The following UNC13C variants were observed in gnomAD, a reference collection of about 807,000 sequenced individuals.
UNC13C encodes unc-13 homolog C.
A neutral mutation model predicts 245.4 loss-of-function variants in UNC13C; 174 were observed. The ratio of observed to expected loss-of-function variants is 0.71; its 90% CI spans 0.63 to 0.80. The LOEUF is 0.80. UNC13C is among the 30% of genes least tolerant of loss of function. The pLI is 0.00. For synonymous variants in UNC13C, 992 were observed against 895.1 expected (o/e 1.11, Z -1.93); for missense variants, 2,829 against 2,602.9 (o/e 1.09, Z -1.89).
intron 29 of UNC13C, among the ~76,000 whole-genome samples, chr15:54,564,150 G>T (rs1897406768): frequency 6.6e-6 from 1 of 151,972 alleles, no homozygotes; most frequent in Admixed American, 6.6e-5. Flanking sequence ...CTGGCAATTT[G>T]TTTTCTCTTC....
chr15:53,984,523 A>C (rs1382992213), intron 1 of UNC13C, among the ~76,000 whole-genome samples: 1 of 152,172 alleles, frequency 6.6e-6, no homozygotes, highest in Non-Finnish European at 1.5e-5. Context: ...AAATTTCTGC[A>C]TCTGAATTCT....
chr15:54,545,172 A>G lies in UNC13C; in HGVS notation c.5697-1550A>G, dbSNP rs765784777. On this transcript the variant is annotated intron_variant, in intron 26 of 32. Coordinates refer to ENST00000260323, the MANE Select transcript of UNC13C (RefSeq NM_001080534.3). ...ATCCACAACCACCTGATATTGAACA[A>G]ACCTGACAAAAACAAGCAATGGGGA... is the stretch of plus-strand genomic sequence containing the variant. Among the ~76,000 whole-genome samples the G allele has an allele frequency of 1.3e-4, 20 of 152,326 alleles. 1 individual carries two copies. The highest frequency in any genetic ancestry group is 2.1e-4 in the Non-Finnish European group (14 of 68,030).
the UNC13C span, among the ~76,000 whole-genome samples, chr15:53,927,817 G>T: frequency 6.6e-6 from 1 of 152,304 alleles, no homozygotes; most frequent in South Asian, 2.1e-4. Flanking sequence ...GGCATAAACT[G>T]AGAAGAGCAG....
chr15:54,334,493 A>G (rs2038522204), intron 16 of UNC13C, among the ~76,000 whole-genome samples: 1 of 152,118 alleles, frequency 6.6e-6, no homozygotes, highest in Non-Finnish European at 1.5e-5. Flanking sequence ...TTTGAAAGAC[A>G]GTATTACGAT....
chr15:54,555,698 C>T (rs1403832626), intron 29 of UNC13C, among the ~76,000 whole-genome samples, 186 bp downstream of exon 29: 1 of 151,970 alleles, frequency 6.6e-6, no homozygotes, highest in Non-Finnish European at 1.5e-5. Context: ...TTGCACCAAC[C>T]TAATACATTC....
intron 2 of UNC13C, among the ~76,000 whole-genome samples, chr15:54,092,894 G>C (rs1899647986): frequency 6.6e-6 from 1 of 152,082 alleles, no homozygotes; most frequent in Non-Finnish European, 1.5e-5. Flanking sequence ...GACATAGATA[G>C]GGGAAATTTT....
intron 19 of UNC13C, among the ~76,000 whole-genome samples, chr15:54,429,825 C>T (rs117157416): frequency 2.6e-3 from 395 of 151,708 alleles, no homozygotes; most frequent in Non-Finnish European, 5.0e-3. Context: ...ATGTCAATCA[C>T]TCTGGGAGTA....
intron 19 of UNC13C, among the ~76,000 whole-genome samples, chr15:54,447,248 T>C (rs1890868263): frequency 1.3e-5 from 2 of 150,626 alleles, no homozygotes; most frequent in Admixed American, 6.6e-5. Flanking sequence ...TGGTCTAAAA[T>C]TCTCTCTGCC....
chr15:54,592,742 G>A lies in UNC13C; in HGVS notation c.6106+24795G>A, dbSNP rs147830265. Among the ~76,000 whole-genome samples, 343 of 152,016 alleles carry A rather than the reference G, an allele frequency of 2.3e-3. 4 individuals carry two copies. The highest frequency in any genetic ancestry group is 7.3e-3 in the African/African-American group (301 of 41,480). On this transcript the variant is annotated intron_variant, in intron 30 of 32. Coordinates refer to ENST00000260323, the MANE Select transcript of UNC13C (RefSeq NM_001080534.3). ...ATAGTTGGTTTGTGAGTTCTTATCCGTTCTGTGGTTCTGTATCTTTTAAAC... is the reference window on the plus strand; with the variant it reads ...ATAGTTGGTTTGTGAGTTCTTATCCATTCTGTGGTTCTGTATCTTTTAAAC...
At chr15:54,314,789 A>G (rs769840119) in intron 13 of UNC13C, among the ~76,000 whole-genome samples, 4 of 151,714 alleles carry the variant, frequency 2.6e-5, no homozygotes, top group Non-Finnish European at 5.9e-5. Context: ...ATTTTCAGAG[A>G]TCATTCTAAA....
intron 30 of UNC13C, among the ~76,000 whole-genome samples, chr15:54,608,134 C>CA (rs1899874576): frequency 6.0e-5 from 9 of 150,684 alleles, no homozygotes; most frequent in Admixed American, 1.3e-4. Flanking sequence ...AGGTCTTTTT[C>CA]CAAAAAAAAA....
chr15:54,409,563 T>C (rs2040376185), intron 18 of UNC13C, among the ~76,000 whole-genome samples: 7 of 152,164 alleles, frequency 4.6e-5, no homozygotes, highest in Admixed American at 4.6e-4. Context: ...CCAATGTCTT[T>C]TGTTCCTTTC....
chr15:54,316,346 T>G (rs927556184), intron 13 of UNC13C, among the ~76,000 whole-genome samples: 1 of 151,868 alleles, frequency 6.6e-6, no homozygotes, highest in African/African-American at 2.4e-5. Flanking sequence ...TGCCTTGATT[T>G]GTACTTTTCC....
In UNC13C at chr15:54,012,892, T is replaced by C; in HGVS notation, c.-12T>C. 1 of 1,568,558 alleles carries C rather than the reference T, an allele frequency of 6.4e-7. No homozygotes were observed. Among genetic ancestry groups the C allele is most frequent in the Non-Finnish European group, 8.6e-7 (1 of 1,160,852 alleles). On this transcript the variant is annotated 5_prime_UTR_variant, in exon 2 of 33. Coordinates refer to ENST00000260323, the MANE Select transcript of UNC13C (RefSeq NM_001080534.3). Reference sequence around the variant, plus strand: ...TTTTCTGGGGCAGAAAAGCTTGCACTAATTGCTCTCCATGGTGGCTAATTT... The same window carrying C: ...TTTTCTGGGGCAGAAAAGCTTGCACCAATTGCTCTCCATGGTGGCTAATTT...
intron 4 of UNC13C, among the ~76,000 whole-genome samples, chr15:54,170,334 C>A (rs1231710362): frequency 6.6e-6 from 1 of 151,756 alleles, no homozygotes; most frequent in Non-Finnish European, 1.5e-5. Context: ...ATGAAAAAAA[C>A]AGAATCATTT....
At chr15:54,069,093 T>C (rs1346357934) in intron 2 of UNC13C, among the ~76,000 whole-genome samples, 1 of 152,166 alleles carries the variant, frequency 6.6e-6, no homozygotes, top group Non-Finnish European at 1.5e-5. Flanking sequence ...CTGAATATCT[T>C]CAGAGAGCAG....
At chr15:54,108,248 G>A (rs537470500) in intron 2 of UNC13C, among the ~76,000 whole-genome samples, 1 of 151,990 alleles carries the variant, frequency 6.6e-6, no homozygotes, top group Non-Finnish European at 1.5e-5. Context: ...GTGCAGTGGC[G>A]CGATCTTGGC....
chr15:54,462,059 G>A (rs1891874901), intron 19 of UNC13C, among the ~76,000 whole-genome samples: 1 of 152,132 alleles, frequency 6.6e-6, no homozygotes. Context: ...GTCATGTTAA[G>A]TACTGGGATA....
rs529957937 is a variant in UNC13C at position 54,197,274 on chromosome 15, CGA to C, written c.3072-37753_3072-37752del. The stretch of plus-strand genomic sequence containing the variant: ...GGAAGATCACCTGAGGTCAGGAGAT[CGA>C]GACCAGCCTGGCCAACATGGCAAAA... On this transcript the variant is annotated intron_variant, in intron 4 of 32. Transcript: ENST00000260323. 3.8e-3 allele frequency among the ~76,000 whole-genome samples: 570 copies of C among 151,930 alleles called. 6 individuals are homozygous for C. The highest frequency in any genetic ancestry group is 0.013 in the African/African-American group (548 of 41,458).
Sources: gnomAD v4.1 joint callset for allele counts (sites outside exome capture counted in the v4.1 genomes callset) on GRCh38, gnomAD v4.1.1 for gene constraint, MANE v1.5 for transcripts, NCBI Gene and HGNC (gene_info 2026-07-23, HGNC 2026-07-21) for gene names.